ZNF804B: variants seen among roughly 807,000 people sequenced by gnomAD.
ZNF804B encodes zinc finger 804B.
In ZNF804B, 80 loss-of-function variants were observed where a neutral mutation model predicts 101.4. That is an observed-to-expected ratio of 0.79 (90% CI 0.66 to 0.95). ZNF804B has a LOEUF of 0.95. Among genes scored for constraint, ZNF804B ranks in the 40% least tolerant of loss-of-function variants. The pLI is 0.00. For synonymous variants in ZNF804B, 622 were observed against 558.8 expected (o/e 1.11, Z -1.59); for missense variants, 1,673 against 1,561.9 (o/e 1.07, Z -1.20).
chr7:88,816,990 C>G (rs1790889768), intron 1 of ZNF804B, among the ~76,000 whole-genome samples: 1 of 151,124 alleles, frequency 6.6e-6, no homozygotes, highest in Admixed American at 6.6e-5. Context: ...CCCAAATGTC[C>G]AACCATTATA....
intron 2 of ZNF804B, among the ~76,000 whole-genome samples, chr7:89,264,987 C>A (rs909853974): frequency 6.6e-6 from 1 of 152,084 alleles, no homozygotes; most frequent in Non-Finnish European, 1.5e-5. Flanking sequence ...TATATCATAT[C>A]TTTGTATGTG....
At chr7:89,258,825 T>G (rs1168021916) in intron 2 of ZNF804B, among the ~76,000 whole-genome samples, 1 of 152,108 alleles carries the variant, frequency 6.6e-6, no homozygotes, top group African/African-American at 2.4e-5. Context: ...TTAAGTCAAA[T>G]TGGATCATTA....
In ZNF804B at chr7:88,760,096, G is replaced by A. The variant is rs745666680; in HGVS notation, c.108+12G>A. The A allele has an allele frequency of 1.9e-6, 3 of 1,604,904 alleles. No individual in the cohort carries two copies. Among genetic ancestry groups the A allele is most frequent in the Non-Finnish European group, 2.6e-6 (3 of 1,171,716 alleles). ...GATCTCCCTCTCCGGTAATGTGCGC[G>A]CGCACACACATACATACACAAACGT... On this transcript the variant is annotated intron_variant, in intron 1 of 3. Coordinates refer to ENST00000333190, the MANE Select transcript of ZNF804B (RefSeq NM_181646.5).
rs57733765 is a variant in ZNF804B, at chr7:88,776,560, G to GTTTTTTTTTTTT, written c.108+16486_108+16497dup. 9.3e-5 allele frequency among the ~76,000 whole-genome samples: 7 copies of GTTTTTTTTTTTT among 75,124 alleles called. No homozygotes were observed. In the East Asian group the frequency reaches 1.5e-3, roughly 17 times the overall value. 49.3% of individuals were successfully genotyped at this position (75,124 alleles called of 152,430 possible). A position where few individuals can be genotyped will look rare whatever the true frequency, so the allele number is the denominator to read the frequency against. ...GCTTTTCTATTTCTCGTGGTGTTTT[G>GTTTTTTTTTTTT]TTTTTTTTTTTTTTTTTTTTTCAGA... is the stretch of plus-strand genomic sequence containing the variant. On this transcript the variant is annotated intron_variant, in intron 1 of 3. Coordinates refer to ENST00000333190, the MANE Select transcript of ZNF804B (RefSeq NM_181646.5).
At chr7:89,294,551 CTT>C (rs1436538123) in intron 2 of ZNF804B, among the ~76,000 whole-genome samples, 1 of 151,818 alleles carries the variant, frequency 6.6e-6, no homozygotes, top group Non-Finnish European at 1.5e-5. Flanking sequence ...GCTTTTATCT[CTT>C]GTTACTTTTT....
intron 1 of ZNF804B, among the ~76,000 whole-genome samples, chr7:89,062,564 C>T (rs1253278623): frequency 1.3e-5 from 2 of 151,712 alleles, no homozygotes; most frequent in Non-Finnish European, 2.9e-5. Context: ...CAAGACTATA[C>T]CGTATTATTT....
chr7:89,060,955 A>G (rs549126702), intron 1 of ZNF804B, among the ~76,000 whole-genome samples: 2 of 152,286 alleles, frequency 1.3e-5, no homozygotes. Context: ...TTTTTGGTCA[A>G]TGTCATCAAG....
At chr7:89,229,389 G>A (rs941744403) in intron 2 of ZNF804B, among the ~76,000 whole-genome samples, 5 of 152,200 alleles carry the variant, frequency 3.3e-5, no homozygotes, top group South Asian at 4.1e-4. Context: ...AACATGCACC[G>A]TGAATACTAG....
chr7:88,956,080 A>C (rs999463138), intron 1 of ZNF804B, among the ~76,000 whole-genome samples: 2 of 151,666 alleles, frequency 1.3e-5, no homozygotes, highest in Non-Finnish European at 3.0e-5. Context: ...AAAGACAAAA[A>C]ATAACAAATG....
At chr7:88,817,825 C>A (rs1790909026) in intron 1 of ZNF804B, among the ~76,000 whole-genome samples, 1 of 152,148 alleles carries the variant, frequency 6.6e-6, no homozygotes, top group Non-Finnish European at 1.5e-5. Flanking sequence ...CAATTTCCCC[C>A]CCTGAACTGA....
chr7:89,238,101 G>A (rs55674010), intron 2 of ZNF804B, among the ~76,000 whole-genome samples: 25,802 of 151,950 alleles, frequency 0.17, 2,830 homozygotes, highest in African/African-American at 0.3. Flanking sequence ...ATAGAGCAAG[G>A]GGTTTTCAGT....
intron 1 of ZNF804B, among the ~76,000 whole-genome samples, chr7:89,198,788 A>C (rs778891097): frequency 6.6e-6 from 1 of 151,278 alleles, no homozygotes; most frequent in Admixed American, 6.6e-5. Flanking sequence ...GTCCATGTGT[A>C]CTCCAGCCAA....
chr7:88,794,119 GT>G (rs72289236), intron 1 of ZNF804B: 17 of 1,366,556 alleles, frequency 1.2e-5, no homozygotes, highest in South Asian at 7.7e-5. Context: ...CTTTAAAAAT[GT>G]TTTTTTTATT....
chr7:89,032,911 C>G (rs1788860732), intron 1 of ZNF804B, among the ~76,000 whole-genome samples: 1 of 151,904 alleles, frequency 6.6e-6, no homozygotes, highest in Non-Finnish European at 1.5e-5. Flanking sequence ...TTCTAATTAG[C>G]ATATTCATTA....
chr7:88,959,104 T>C (rs1793355525), intron 1 of ZNF804B, among the ~76,000 whole-genome samples: 1 of 151,448 alleles, frequency 6.6e-6, no homozygotes, highest in South Asian at 2.1e-4. Flanking sequence ...TGTCTGACTT[T>C]TGACTTTTCA....
Position 88,774,929 on chromosome 7 carries a change from T to C in ZNF804B, c.108+14845T>C, listed in dbSNP as rs575913269. On this transcript the variant is annotated intron_variant, in intron 1 of 3. Coordinates refer to ENST00000333190, the MANE Select transcript of ZNF804B (RefSeq NM_181646.5). ...CAGTGAAAAGCTCTCAGGGGGATTA[T>C]GGCTATGCCTTGAGGCTGGGTGGAA... 1.8e-4 allele frequency among the ~76,000 whole-genome samples: 28 copies of C among 152,330 alleles called. No homozygotes were observed. The South Asian group carries it at 5.6e-3, about 30-fold the overall frequency.
chr7:88,996,257 C>T (rs1788194540), intron 1 of ZNF804B, among the ~76,000 whole-genome samples: 1 of 152,066 alleles, frequency 6.6e-6, no homozygotes, highest in Non-Finnish European at 1.5e-5. Flanking sequence ...CTTCCTTTCT[C>T]TATTTTCTGC....
At chr7:89,055,508 G>T (rs1789277318) in intron 1 of ZNF804B, among the ~76,000 whole-genome samples, 1 of 152,026 alleles carries the variant, frequency 6.6e-6, no homozygotes, top group Admixed American at 6.6e-5. Context: ...GAGGAAAAAT[G>T]GAGGGAAATA....
At chr7:88,947,245 G>A (rs1471834341) in intron 1 of ZNF804B, among the ~76,000 whole-genome samples, 1 of 151,984 alleles carries the variant, frequency 6.6e-6, no homozygotes, top group Non-Finnish European at 1.5e-5. Context: ...GTTCACAATA[G>A]CAAAGACTTG....
Sources: allele counts gnomAD v4.1 joint callset (sites outside exome capture counted in the v4.1 genomes callset), GRCh38; gene constraint gnomAD v4.1.1; transcripts MANE v1.5; gene names NCBI Gene and HGNC (gene_info 2026-07-23, HGNC 2026-07-21).